Variants in EEA1 observed in about 807,000 individuals in gnomAD.
EEA1 encodes the protein early endosome antigen 1.
A neutral mutation model predicts 209.2 loss-of-function variants in EEA1; 111 were observed. That is an observed-to-expected ratio of 0.53 (90% CI 0.45 to 0.62). The LOEUF is 0.62. Ranked by LOEUF, EEA1 falls within the 20% of genes least tolerant of loss-of-function variation. The probability of loss-of-function intolerance (pLI) is 0.00; values close to 1 mark genes in which losing one functional copy is unlikely to be tolerated. For synonymous variants in EEA1, 536 were observed against 540.6 expected (o/e 0.99, Z 0.12); for missense variants, 1,343 against 1,530.8 (o/e 0.88, Z 2.05).
At chr12:92,785,587 T>G (rs1360191738) in intron 22 of EEA1, among the ~76,000 whole-genome samples, 2 of 152,224 alleles carry the variant, frequency 1.3e-5, no homozygotes, top group Non-Finnish European at 2.9e-5. Flanking sequence ...TTCATACACT[T>G]CTCATTTTAA....
At chr12:92,827,755 G>A (rs1876386265) in intron 12 of EEA1, among the ~76,000 whole-genome samples, 157 bp downstream of exon 12, 1 of 152,172 alleles carries the variant, frequency 6.6e-6, no homozygotes, top group African/African-American at 2.4e-5. Context: ...ACAACAAAAT[G>A]ACTTAATGTA....
intron 2 of EEA1, among the ~76,000 whole-genome samples, chr12:92,885,773 AG>A (rs757555988): frequency 1.3e-5 from 2 of 152,208 alleles, no homozygotes; most frequent in Non-Finnish European, 2.9e-5. Flanking sequence ...GCTGTCTCAG[AG>A]GTGGCAGAGG....
At chr12:92,777,279 C>G (rs1292174368) in intron 27 of EEA1, among the ~76,000 whole-genome samples, 1 of 151,810 alleles carries the variant, frequency 6.6e-6, no homozygotes, top group African/African-American at 2.4e-5. Flanking sequence ...CTCATATATT[C>G]TTTGGTATTC....
At chr12:92,825,226 C>T (rs939122668) in intron 13 of EEA1, among the ~76,000 whole-genome samples, 2 of 152,084 alleles carry the variant, frequency 1.3e-5, no homozygotes, top group Admixed American at 6.5e-5. Context: ...ACGAGGCAGG[C>T]GGAGCATGAG....
chr12:92,866,737 A>G (rs751735135), intron 2 of EEA1, among the ~76,000 whole-genome samples: 19 of 152,216 alleles, frequency 1.2e-4, no homozygotes, highest in Non-Finnish European at 2.8e-4. Flanking sequence ...TTAACAACAT[A>G]TATCTCTACC....
intron 1 of EEA1, among the ~76,000 whole-genome samples, chr12:92,912,121 A>C (rs1880603150): frequency 6.6e-6 from 1 of 152,224 alleles, no homozygotes; most frequent in African/African-American, 2.4e-5. Flanking sequence ...ATGACATCAT[A>C]AAATCTTCTT....
intron 22 of EEA1, among the ~76,000 whole-genome samples, chr12:92,784,801 G>A (rs1349381658): frequency 6.6e-6 from 1 of 151,844 alleles, no homozygotes; most frequent in Non-Finnish European, 1.5e-5. Flanking sequence ...CCTCTGCTCA[G>A]CATCTCTTCC....
At chr12:92,923,791 G>A (rs1323593684) in intron 1 of EEA1, among the ~76,000 whole-genome samples, 22 of 147,556 alleles carry the variant, frequency 1.5e-4, no homozygotes, top group African/African-American at 4.8e-4. Context: ...ATAAATATTC[G>A]GTAGTACATA....
At chr12:92,925,884 T>C (rs1432531746) in intron 1 of EEA1, among the ~76,000 whole-genome samples, 2 of 152,224 alleles carry the variant, frequency 1.3e-5, no homozygotes, top group African/African-American at 2.4e-5. Flanking sequence ...AAGCAGTTTG[T>C]CTGTTTCTTC....
intron 21 of EEA1, among the ~76,000 whole-genome samples, chr12:92,790,712 C>T (rs955871861): frequency 1.3e-5 from 2 of 152,174 alleles, no homozygotes; most frequent in Non-Finnish European, 1.5e-5. Flanking sequence ...GGATATTACC[C>T]AGGAGAACTT....
rs980728761 is a variant in EEA1 at position 92,835,396 on chromosome 12, A to G, written c.916-2546T>C. The G allele has an allele frequency of 1.5e-4, 22 of 148,504 alleles. 1 individual carries two copies. Among genetic ancestry groups the G allele is most frequent in the Non-Finnish European group, 2.6e-4 (18 of 69,846 alleles). 9.2% of individuals were successfully genotyped at this position (148,504 alleles called of 1,614,324 possible). A position where few individuals can be genotyped will look rare whatever the true frequency, so the allele number is the denominator to read the frequency against. Reference sequence around the variant, plus strand: ...CTATATACACCCTTGAGATAGTTTCACTCCTTTTTTTTTTTTTTTTTTTTT... The same window carrying G: ...CTATATACACCCTTGAGATAGTTTCGCTCCTTTTTTTTTTTTTTTTTTTTT... On this transcript the variant is annotated intron_variant, in intron 10 of 28. Transcript: ENST00000322349.
At chr12:92,862,762 G>A (rs536992987) in intron 3 of EEA1, among the ~76,000 whole-genome samples, 41 of 152,276 alleles carry the variant, frequency 2.7e-4, no homozygotes, top group African/African-American at 9.6e-4. Context: ...TAAGGAAACA[G>A]AATTAACTAA....
At chr12:92,842,680 G>C in intron 9 of EEA1, 99 bp from the exon 10 acceptor site, 1 of 741,534 alleles carries the variant, frequency 1.3e-6, no homozygotes, top group Non-Finnish European at 2.2e-6. Flanking sequence ...CAAATTTTTT[G>C]TTGTTGGAAT....
At chr12:92,832,900 C>T (rs377132154) in intron 10 of EEA1, 50 bp from the exon 11 acceptor site, 5 of 1,314,758 alleles carry the variant, frequency 3.8e-6, no homozygotes, top group Non-Finnish European at 5.2e-6. Context: ...TTTTTAATTA[C>T]TCCAATTACT....
Position 92,811,339 on chromosome 12 carries a change from T to G in EEA1, c.2139A>C (p.Glu713Asp), listed in dbSNP as rs1875489947. Residue 713 changes from glutamate (E) to aspartate (D), a missense_variant, in exon 17 of 29, where the codon GAA (glutamate) becomes GAC (aspartate). Glu to Asp is a conservative substitution (Grantham distance 45). This residue lies in a region of EEA1 where 1,307 missense variants were observed against 1,465.5 expected (regional missense o/e 0.89). Transcript: ENST00000322349. The stretch of plus-strand genomic sequence containing the variant: ...CTAAAGAGAGGTATTTCTCTTTATA[T>G]TCTTTAAGATGACTTTCCAGCTGAC... ...HCSQLESHLK[E>D]YKEKYLSLEQ... The G allele has an allele frequency of 1.2e-6, 2 of 1,606,990 alleles. No homozygotes were observed. The highest frequency in any genetic ancestry group is 2.7e-5 in the African/African-American group (2 of 74,560).
At chr12:92,842,157 C>A (rs1877195358) in intron 10 of EEA1, among the ~76,000 whole-genome samples, 1 of 151,936 alleles carries the variant, frequency 6.6e-6, no homozygotes, top group African/African-American at 2.4e-5. Context: ...TTTTAAAAGA[C>A]AAATACTGTA....
chr12:92,877,364 G>A (rs988785931), intron 2 of EEA1, among the ~76,000 whole-genome samples: 8 of 151,958 alleles, frequency 5.3e-5, no homozygotes, highest in African/African-American at 1.9e-4. Flanking sequence ...AGAGGAGATA[G>A]GAGGTGGGTA....
intron 1 of EEA1, among the ~76,000 whole-genome samples, chr12:92,925,263 G>T (rs532236203): frequency 2.6e-5 from 4 of 151,356 alleles, no homozygotes; most frequent in African/African-American, 9.7e-5. Context: ...CTCTGTTGCT[G>T]GAGTGCAGTG....
chr12:92,888,956 C>A (rs1390764132), intron 2 of EEA1, among the ~76,000 whole-genome samples: 1 of 151,984 alleles, frequency 6.6e-6, no homozygotes, highest in East Asian at 1.9e-4. Context: ...TCGAGACTAG[C>A]CTGGTCAACA....
Sources: allele counts gnomAD v4.1 joint callset (sites outside exome capture counted in the v4.1 genomes callset), GRCh38; gene constraint gnomAD v4.1.1; regional missense constraint gnomAD v4.1.1; transcripts MANE v1.5; gene names NCBI Gene and HGNC (gene_info 2026-07-23, HGNC 2026-07-21).